TANGO6: variants seen among roughly 807,000 people sequenced by gnomAD.
TANGO6 encodes the protein transport and Golgi organization protein 6 homolog.
Under a neutral mutation model 114.2 loss-of-function variants are expected in TANGO6, and 90 were observed. That is an observed-to-expected ratio of 0.79 (90% CI 0.66 to 0.94). The LOEUF (loss-of-function observed/expected upper bound fraction) is 0.94. TANGO6 is among the 40% of genes least tolerant of loss of function. The probability of loss-of-function intolerance (pLI) is 0.00; values close to 1 mark genes in which losing one functional copy is unlikely to be tolerated. For missense variants in TANGO6, 1,274 were observed against 1,315.3 expected (o/e 0.97, Z 0.49); for synonymous variants, 477 against 509.8 (o/e 0.94, Z 0.87).
intron 15 of TANGO6, among the ~76,000 whole-genome samples, chr16:69,021,246 T>C (rs939026615): frequency 6.6e-6 from 1 of 152,158 alleles, no homozygotes; most frequent in African/African-American, 2.4e-5. Flanking sequence ...TAGGGCTTCC[T>C]TGGTGTTCTC....
intron 14 of TANGO6, among the ~76,000 whole-genome samples, chr16:68,956,291 A>G (rs1167904106): frequency 6.6e-6 from 1 of 152,230 alleles, no homozygotes; most frequent in Non-Finnish European, 1.5e-5. Flanking sequence ...CTATGAGGTG[A>G]ACTGAACATA....
chr16:69,067,242 C>T (rs1960226124), intron 17 of TANGO6, among the ~76,000 whole-genome samples: 1 of 152,108 alleles, frequency 6.6e-6, no homozygotes, highest in Admixed American at 6.6e-5. Context: ...GGCACGGTGG[C>T]TCATGCCTGT....
At chr16:69,063,643 CAAAAAAAAAAAAAAA>C (rs770332921) in intron 17 of TANGO6, among the ~76,000 whole-genome samples, 5 of 35,778 alleles carry the variant, frequency 1.4e-4, no homozygotes, top group East Asian at 1.3e-3. Flanking sequence ...ACTCCATCTC[CAAAAAAAAAAAAAAA>C]AAAAAAAAAA....
At chr16:69,015,638 C>A (rs959980169) in intron 15 of TANGO6, among the ~76,000 whole-genome samples, 1 of 151,846 alleles carries the variant, frequency 6.6e-6, no homozygotes, top group African/African-American at 2.4e-5. Context: ...CCCGCCACCA[C>A]GCCCAGATAA....
chr16:68,891,292 CAAAAAAA>C lies in TANGO6; in HGVS notation c.1378-9131_1378-9125del, dbSNP rs534661540. ...AGGTGACAAGAGCAAAACTCCATCT[CAAAAAAA>C]AAAAAAAAAAGAAATTAGCTGGGCA... On this transcript the variant is annotated intron_variant, in intron 7 of 17. Coordinates refer to ENST00000261778, the MANE Select transcript of TANGO6 (RefSeq NM_024562.2). 9.4e-5 allele frequency among the ~76,000 whole-genome samples: 8 copies of C among 84,918 alleles called. No individual in the cohort carries two copies. In the East Asian group the frequency reaches 3.1e-3, roughly 33 times the overall value. 55.7% of individuals were successfully genotyped at this position (84,918 alleles called of 152,430 possible).
At chr16:68,978,719 T>G (rs1963789231) in intron 15 of TANGO6, among the ~76,000 whole-genome samples, 1 of 151,940 alleles carries the variant, frequency 6.6e-6, no homozygotes, top group South Asian at 2.1e-4. Flanking sequence ...TCTGCAGTGG[T>G]GGGAGTTGGT....
intron 17 of TANGO6, among the ~76,000 whole-genome samples, chr16:69,071,926 C>T (rs930780111): frequency 1.3e-5 from 2 of 152,164 alleles, no homozygotes; most frequent in Non-Finnish European, 2.9e-5. Context: ...TTCTGAGCCA[C>T]GTCTAACCCT....
At chr16:68,982,804 T>C (rs1860672612) in intron 15 of TANGO6, among the ~76,000 whole-genome samples, 1 of 151,868 alleles carries the variant, frequency 6.6e-6, no homozygotes, top group Non-Finnish European at 1.5e-5. Flanking sequence ...CCTTCGTATA[T>C]ATGCCTCTTA....
At chr16:68,865,875 G>C (rs982762365) in intron 3 of TANGO6, among the ~76,000 whole-genome samples, 12 of 151,772 alleles carry the variant, frequency 7.9e-5, no homozygotes, top group African/African-American at 2.9e-4. Context: ...CCGAGATCGT[G>C]CCACTGCTCT....
At chr16:68,896,500 G>A (rs1365516964) in intron 7 of TANGO6, among the ~76,000 whole-genome samples, 2 of 151,020 alleles carry the variant, frequency 1.3e-5, no homozygotes, top group Non-Finnish European at 3.0e-5. Flanking sequence ...TTGTAGAGAT[G>A]GGTTCATGCT....
chr16:68,928,517 G>T (rs1312270721), intron 13 of TANGO6, among the ~76,000 whole-genome samples: 9 of 151,906 alleles, frequency 5.9e-5, no homozygotes, highest in African/African-American at 1.9e-4. Flanking sequence ...AGCCAGGATG[G>T]TCTCGATCTC....
At chr16:68,929,506 C>A (rs1963213100) in intron 13 of TANGO6, among the ~76,000 whole-genome samples, 1 of 152,110 alleles carries the variant, frequency 6.6e-6, no homozygotes. Flanking sequence ...CATGTAGAGA[C>A]CAGCAGCATC....
rs1963186560 is a variant in TANGO6, at chr16:68,927,757, G to A, written c.2317G>A (p.Glu773Lys). Residue 773 changes from glutamate (E) to lysine (K), a missense_variant, in exon 13 of 18, where the codon GAA becomes AAA. Transcript: ENST00000261778. Reference protein sequence around the residue: ...AQSTLNRKDLEGKIEEQQQTS... With the variant: ...AQSTLNRKDLKGKIEEQQQTS... ...AAGTACACTGAACAGAAAAGATCTG[G>A]AAGGGAAAATAGAAGAGCAGCAACA... 1 of 1,613,836 alleles carries A rather than the reference G, an allele frequency of 6.2e-7. No individual in the cohort carries two copies. The highest frequency in any genetic ancestry group is 8.5e-7 in the Non-Finnish European group (1 of 1,179,894).
At chr16:68,859,310 A>G (rs1275258384) in intron 1 of TANGO6, among the ~76,000 whole-genome samples, 1 of 152,156 alleles carries the variant, frequency 6.6e-6, no homozygotes, top group Admixed American at 6.5e-5. Flanking sequence ...AGCTGGGACT[A>G]CAGGCACTCA....
intron 12 of TANGO6, among the ~76,000 whole-genome samples, chr16:68,919,686 T>C (rs762882649): frequency 1.8e-4 from 28 of 152,238 alleles, no homozygotes; most frequent in Non-Finnish European, 3.4e-4. Flanking sequence ...TTCCAGCCAC[T>C]TTTAAGTATG....
intron 15 of TANGO6, among the ~76,000 whole-genome samples, chr16:68,996,126 C>G (rs1293266072): frequency 2.6e-5 from 4 of 152,090 alleles, no homozygotes; most frequent in Non-Finnish European, 5.9e-5. Context: ...AAACTGAAGT[C>G]AGAACAGAGA....
chr16:68,997,952 A>G (rs1166778063), intron 15 of TANGO6, among the ~76,000 whole-genome samples: 2 of 152,200 alleles, frequency 1.3e-5, no homozygotes. Flanking sequence ...GAGGAGCTCA[A>G]TGAGAAAGTG....
At chr16:69,033,449 G>A (rs1382969714) in intron 16 of TANGO6, among the ~76,000 whole-genome samples, 4 of 152,158 alleles carry the variant, frequency 2.6e-5, no homozygotes, top group Non-Finnish European at 4.4e-5. Context: ...TGTGTGAAAC[G>A]CAGAGGAGTA....
intron 7 of TANGO6, 141 bp from the exon 8 acceptor site, chr16:68,900,283 CCATATCTGAG>C: frequency 1.6e-6 from 1 of 628,288 alleles, no homozygotes; most frequent in Non-Finnish European, 2.8e-6. Context: ...TGTTTCATTG[CCATATCTGAG>C]CACATCTTTG....
Sources: gnomAD v4.1 joint callset for allele counts (sites outside exome capture counted in the v4.1 genomes callset) on GRCh38, gnomAD v4.1.1 for gene constraint, MANE v1.5 for transcripts, NCBI Gene and HGNC (gene_info 2026-07-23, HGNC 2026-07-21) for gene names.